The following HERC3 variants were observed in gnomAD, a reference collection of about 807,000 sequenced individuals.
HERC3 encodes probable E3 ubiquitin-protein ligase HERC3.
In HERC3, 58 loss-of-function variants were observed where a neutral mutation model predicts 129.9. The ratio of observed to expected loss-of-function variants is 0.45; its 90% CI spans 0.36 to 0.56. The LOEUF is 0.56. HERC3 is among the 20% of genes least tolerant of loss of function. The pLI is 0.00. For missense variants in HERC3, 835 were observed against 1,244.2 expected (o/e 0.67, Z 4.95); for synonymous variants, 430 against 451.0 (o/e 0.95, Z 0.59).
chr4:88,597,059 T>C (rs1722479983), intron 2 of HERC3, among the ~76,000 whole-genome samples: 1 of 152,208 alleles, frequency 6.6e-6, no homozygotes, highest in African/African-American at 2.4e-5. Flanking sequence ...ACTATCTGTT[T>C]TCTTATTGAT....
chr4:88,670,001 A>G lies in HERC3; in HGVS notation c.1775A>G (p.Lys592Arg), dbSNP rs2149300989. ...LFNNYITAAL[K>R]LLEKLYKVNL... ...AACAATTATATCACAGCAGCTCTCA[A>G]ACTCTTGGAGAAGTTATATAAGGTG... Residue 592 changes from lysine to arginine, a missense_variant, in exon 15 of 26, where the codon AAA (lysine) becomes AGA (arginine). Physicochemically the swap from Lys to Arg is conservative, Grantham distance 26. Transcript: ENST00000402738. 1.2e-6 allele frequency: 2 copies of G among 1,613,920 alleles called. No individual in the cohort carries two copies. Among genetic ancestry groups the G allele is most frequent in the East Asian group, 2.2e-5 (1 of 44,856 alleles).
At chr4:88,576,473 A>G in the HERC3 span, among the ~76,000 whole-genome samples, 1 of 152,166 alleles carries the variant, frequency 6.6e-6, no homozygotes, top group Non-Finnish European at 1.5e-5. Context: ...CCTTGACATG[A>G]CAAGCTCTTT....
intron 1 of HERC3, 36 bp from the exon 2 acceptor site, chr4:88,595,521 C>T (rs2149169490): frequency 6.6e-6 from 1 of 152,312 alleles, no homozygotes. Context: ...AACAGAGTTC[C>T]ATACTAATGT....
intron 3 of HERC3, among the ~76,000 whole-genome samples, chr4:88,647,163 G>A (rs150589565): frequency 1.3e-5 from 2 of 152,296 alleles, no homozygotes; most frequent in African/African-American, 4.8e-5. Flanking sequence ...TGGAATCCAG[G>A]TGTTCCCTTT....
At chr4:88,694,431 G>A (rs998208536) in intron 23 of HERC3, among the ~76,000 whole-genome samples, 1 of 152,138 alleles carries the variant, frequency 6.6e-6, no homozygotes, top group Non-Finnish European at 1.5e-5. Context: ...TGTAGAGTGT[G>A]TCTTTAACTC....
At chr4:88,685,882 T>G (rs1228282917) in intron 21 of HERC3, among the ~76,000 whole-genome samples, 1 of 152,224 alleles carries the variant, frequency 6.6e-6, no homozygotes, top group Non-Finnish European at 1.5e-5. Flanking sequence ...TTTATGTCTC[T>G]TCAGTCTCAA....
the HERC3 span, among the ~76,000 whole-genome samples, chr4:88,571,942 A>G: frequency 3.3e-5 from 5 of 152,160 alleles, no homozygotes; most frequent in African/African-American, 9.7e-5. Flanking sequence ...GAATGTGACT[A>G]TATTTGGAGA....
chr4:88,631,233 T>C (rs905675549), intron 3 of HERC3, among the ~76,000 whole-genome samples: 9 of 152,136 alleles, frequency 5.9e-5, no homozygotes, highest in Admixed American at 2.0e-4. Flanking sequence ...GGCAGGCAGA[T>C]CACTTGAGGT....
chr4:88,566,400 T>G, the HERC3 span, among the ~76,000 whole-genome samples: 1 of 144,472 alleles, frequency 6.9e-6, no homozygotes, highest in African/African-American at 2.9e-5. Context: ...ACTCTACACT[T>G]TAACTTCCTT....
rs751972233 is a variant in HERC3, at chr4:88,662,436, T to C, written c.1152T>C (p.Tyr384=). The C allele has an allele frequency of 4.4e-6, 7 of 1,607,130 alleles. No individual in the cohort carries two copies. Among genetic ancestry groups the C allele is most frequent in the Non-Finnish European group, 5.1e-6 (6 of 1,177,852 alleles). The change falls in exon 11 of 26, where the codon TAT becomes TAC. Residue 384 remains tyrosine (Y), a synonymous_variant. Coordinates refer to ENST00000402738, the MANE Select transcript of HERC3 (RefSeq NM_014606.3). ...TFVLCSKYEN[Y]SPAVDFRTMN... ...TGTTACATTTAATTCTCCAGAATTATTCTCCTGCTGTTGACTTCAGGACTA... is the reference window on the plus strand; with the variant it reads ...TGTTACATTTAATTCTCCAGAATTACTCTCCTGCTGTTGACTTCAGGACTA...
At position 88,686,244 on chromosome 4, in the gene HERC3, T is replaced by C. The variant is rs765674603; in HGVS notation, c.2508-492T>C. Reference sequence around the variant, plus strand: ...AAGCCAAAAGATTGGGCACCCCTGGTCTTTACCATATAGAGACTTCTGCAT... The same window carrying C: ...AAGCCAAAAGATTGGGCACCCCTGGCCTTTACCATATAGAGACTTCTGCAT... On this transcript the variant is annotated intron_variant, in intron 21 of 25. Coordinates refer to ENST00000402738, the MANE Select transcript of HERC3 (RefSeq NM_014606.3). Among the ~76,000 whole-genome samples the C allele has an allele frequency of 1.4e-4, 21 of 152,214 alleles. 1 individual carries two copies. Among genetic ancestry groups the C allele is most frequent in the Non-Finnish European group, 2.2e-4 (15 of 68,034 alleles).
chr4:88,546,728 T>C, the HERC3 span, among the ~76,000 whole-genome samples: 1 of 152,236 alleles, frequency 6.6e-6, no homozygotes, highest in Non-Finnish European at 1.5e-5. Flanking sequence ...ATCATATGGC[T>C]CAATTGTGCA....
chr4:88,592,949 AAGG>A (rs1241876997), intron 1 of HERC3, among the ~76,000 whole-genome samples: 2 of 152,032 alleles, frequency 1.3e-5, no homozygotes, highest in Non-Finnish European at 2.9e-5. Context: ...AGAAAGTCAA[AAGG>A]AGGATAGTCC....
At chr4:88,561,682 G>T in the HERC3 span, among the ~76,000 whole-genome samples, 1 of 151,670 alleles carries the variant, frequency 6.6e-6, no homozygotes, top group African/African-American at 2.4e-5. Context: ...CCAACATCTA[G>T]TGACCATCAT....
At chr4:88,706,636 T>A (rs1013561789) in intron 25 of HERC3, 116 bp from the exon 26 acceptor site, 1 of 747,306 alleles carries the variant, frequency 1.3e-6, no homozygotes, top group African/African-American at 1.7e-5. Flanking sequence ...ATAAATGTAA[T>A]TGTACTTCTC....
chr4:88,545,427 ATTC>A, the HERC3 span, among the ~76,000 whole-genome samples: 1 of 118,684 alleles, frequency 8.4e-6, no homozygotes, highest in Non-Finnish European at 1.6e-5. Context: ...CCTTTTGAGA[ATTC>A]TTTTTTTTTT....
the HERC3 span, among the ~76,000 whole-genome samples, chr4:88,574,470 A>G: frequency 6.6e-6 from 1 of 152,238 alleles, no homozygotes; most frequent in Non-Finnish European, 1.5e-5. Flanking sequence ...TAAAGTGTAC[A>G]GTTCAATGGT....
chr4:88,565,363 G>T, the HERC3 span, among the ~76,000 whole-genome samples: 3 of 151,946 alleles, frequency 2.0e-5, no homozygotes, highest in African/African-American at 7.3e-5. Context: ...TTGTATTGGG[G>T]TCTATCTCTC....
At chr4:88,542,069 T>C in the HERC3 span, among the ~76,000 whole-genome samples, 1 of 152,042 alleles carries the variant, frequency 6.6e-6, no homozygotes, top group Non-Finnish European at 1.5e-5. Flanking sequence ...ATTCAAAAGC[T>C]AGCAGAAGGC....
Sources: allele counts gnomAD v4.1 joint callset (sites outside exome capture counted in the v4.1 genomes callset), GRCh38; gene constraint gnomAD v4.1.1; transcripts MANE v1.5; gene names NCBI Gene and HGNC (gene_info 2026-07-23, HGNC 2026-07-21).